LARP1B: variants seen among roughly 807,000 people sequenced by gnomAD.
The protein encoded by LARP1B is la-related protein 1B.
LARP1B carries 76 observed loss-of-function variants against 114.2 expected under a neutral mutation model. That is an observed-to-expected ratio of 0.67 (90% confidence interval 0.55 to 0.81). The LOEUF is 0.81. LARP1B is among the 30% of genes least tolerant of loss of function. The pLI is 0.00. For missense variants in LARP1B, 1,014 were observed against 1,075.8 expected (o/e 0.94, Z 0.80); for synonymous variants, 345 against 348.0 (o/e 0.99, Z 0.10).
At chr4:128,172,956 T>TA (rs927540242) in intron 12 of LARP1B, among the ~76,000 whole-genome samples, 1 of 151,638 alleles carries the variant, frequency 6.6e-6, no homozygotes, top group African/African-American at 2.4e-5. Flanking sequence ...TGTGTGTGTG[T>TA]GTGTGTGTGT....
Position 128,122,484 on chromosome 4 carries a change from G to A in LARP1B, c.1524+296G>A, listed in dbSNP as rs578227571. ...GTTTTTTTTTGTTTTTGTTTTAGGT[G>A]ACAATACTGAGAACGCCCTTTCTCG... is the stretch of plus-strand genomic sequence containing the variant. On this transcript the variant is annotated intron_variant, in intron 11 of 19. Transcript: ENST00000326639. The A allele has an allele frequency of 3.3e-5, 49 of 1,502,684 alleles. No individual in the cohort carries two copies. In the South Asian group the frequency reaches 5.3e-4, roughly 16 times the overall value. The allele number at this position is 1,502,684 out of a possible 1,614,324, so 93.1% of individuals were successfully genotyped here. A position where few individuals can be genotyped will look rare whatever the true frequency, so the allele number is the denominator to read the frequency against.
At chr4:128,096,592 A>G (rs1778092425) in intron 7 of LARP1B, among the ~76,000 whole-genome samples, 2 of 150,774 alleles carry the variant, frequency 1.3e-5, no homozygotes, top group South Asian at 4.2e-4. Flanking sequence ...TTCACCCTTA[A>G]TGTCTTTCTT....
intron 8 of LARP1B, among the ~76,000 whole-genome samples, chr4:128,098,644 T>C (rs1262591518): frequency 6.7e-6 from 1 of 148,894 alleles, no homozygotes; most frequent in South Asian, 2.2e-4. Flanking sequence ...TCTTCAGGGC[T>C]GGGCGTGGCG....
At chr4:128,202,081 C>G (rs1313695179) in intron 17 of LARP1B, among the ~76,000 whole-genome samples, 1 of 152,200 alleles carries the variant, frequency 6.6e-6, no homozygotes, top group African/African-American at 2.4e-5. Context: ...ATATCAGGAA[C>G]AGCAGATCCA....
intron 15 of LARP1B, among the ~76,000 whole-genome samples, chr4:128,184,182 T>G (rs2150722412): frequency 6.6e-6 from 1 of 152,306 alleles, no homozygotes. Context: ...AGTTCTACTG[T>G]GGGTAAAATG....
chr4:128,091,459 A>G lies in LARP1B; in HGVS notation c.615A>G (p.Val205=). 6.2e-7 allele frequency: 1 copy of G among 1,611,584 alleles called. No homozygotes were observed. The highest frequency in any genetic ancestry group is 1.1e-5 in the South Asian group (1 of 90,848). Residue 205 remains valine, a synonymous_variant, in exon 7 of 20, where the codon GTA becomes GTG. Transcript: ENST00000326639. ...MMYYYDDGTG[V]QVYPVEEALL... ...ATTACTATGATGATGGTACAGGTGTACAGGTGTATCCTGTGGAAGAAGCAT... is the reference window on the plus strand; with the variant it reads ...ATTACTATGATGATGGTACAGGTGTGCAGGTGTATCCTGTGGAAGAAGCAT...
At chr4:128,147,803 T>C (rs1456938066) in intron 11 of LARP1B, among the ~76,000 whole-genome samples, 1 of 152,176 alleles carries the variant, frequency 6.6e-6, no homozygotes, top group Non-Finnish European at 1.5e-5. Flanking sequence ...GTAATTACAA[T>C]ATAATTTATA....
intron 12 of LARP1B, among the ~76,000 whole-genome samples, chr4:128,163,921 G>A (rs1424079875): frequency 6.6e-6 from 1 of 152,128 alleles, no homozygotes; most frequent in East Asian, 1.9e-4. Flanking sequence ...CCAAGGTTGA[G>A]CTTTGTCAGT....
At chr4:128,073,418 C>CAAAAAAA (rs776553862) in intron 1 of LARP1B, among the ~76,000 whole-genome samples, 2 of 42,910 alleles carry the variant, frequency 4.7e-5, no homozygotes, top group African/African-American at 1.1e-4. Flanking sequence ...GATTCCGTCT[C>CAAAAAAA]AAAAAAAAAA....
intron 5 of LARP1B, among the ~76,000 whole-genome samples, chr4:128,085,565 G>T (rs1364107225): frequency 6.6e-6 from 1 of 151,966 alleles, no homozygotes; most frequent in Non-Finnish European, 1.5e-5. Context: ...AGACAGTCTT[G>T]CTTCGTTGCC....
At chr4:128,070,904 A>C (rs2149345493) in intron 1 of LARP1B, among the ~76,000 whole-genome samples, 1 of 152,228 alleles carries the variant, frequency 6.6e-6, no homozygotes, top group South Asian at 2.1e-4. Context: ...TATCTAGAAG[A>C]AACTGAACAT....
At chr4:128,075,660 C>T (rs1767534049) in intron 3 of LARP1B, among the ~76,000 whole-genome samples, 1 of 151,666 alleles carries the variant, frequency 6.6e-6, no homozygotes, top group African/African-American at 2.4e-5. Context: ...TGATCCTCCA[C>T]CTTTGCCTCC....
chr4:128,176,168 TATTATATATA>T (rs1254215760), intron 12 of LARP1B, among the ~76,000 whole-genome samples: 4 of 134,782 alleles, frequency 3.0e-5, no homozygotes, highest in Non-Finnish European at 1.6e-5. Context: ...TAAATATATA[TATTATATATA>T]AATATATAAA....
chr4:128,173,090 T>C (rs956477062), intron 12 of LARP1B, among the ~76,000 whole-genome samples: 1 of 152,126 alleles, frequency 6.6e-6, no homozygotes, highest in Non-Finnish European at 1.5e-5. Context: ...TGTGCTTTAT[T>C]GAATACACAA....
At chr4:128,220,493 T>C in intron 7 of LARP1B, 1 of 210,010 alleles carries the variant, frequency 4.8e-6, no homozygotes, top group Non-Finnish European at 8.3e-6. Context: ...GGTGATATCA[T>C]ATAATTATAT....
chr4:128,091,238 G>A (rs1316502218), intron 6 of LARP1B, 94 bp downstream of exon 6: 11 of 1,530,950 alleles, frequency 7.2e-6, no homozygotes, highest in Non-Finnish European at 9.7e-6. Flanking sequence ...TTCTTTGTCT[G>A]ATAATAGATG....
At chr4:128,095,930 C>G (rs940121318) in intron 7 of LARP1B, among the ~76,000 whole-genome samples, 1 of 151,434 alleles carries the variant, frequency 6.6e-6, no homozygotes, top group Admixed American at 6.6e-5. Flanking sequence ...TATATTTTCC[C>G]GTTTGTCTTC....
intron 1 of LARP1B, among the ~76,000 whole-genome samples, chr4:128,071,490 C>T (rs575223437): frequency 2.1e-5 from 3 of 142,616 alleles, no homozygotes; most frequent in African/African-American, 5.3e-5. Context: ...GGCACTGTGT[C>T]GGCTCACTGC....
intron 15 of LARP1B, among the ~76,000 whole-genome samples, chr4:128,194,271 C>T (rs1753269996): frequency 6.6e-6 from 1 of 152,080 alleles, no homozygotes; most frequent in South Asian, 2.1e-4. Flanking sequence ...AGGGTTTCAC[C>T]GTGTTGGCCA....
Sources: allele counts gnomAD v4.1 joint callset (sites outside exome capture counted in the v4.1 genomes callset), GRCh38; gene constraint gnomAD v4.1.1; transcripts MANE v1.5; gene names NCBI Gene and HGNC (gene_info 2026-07-23, HGNC 2026-07-21).